ZNF221: variants seen among roughly 807,000 people sequenced by gnomAD.
The protein encoded by ZNF221 is zinc finger protein 221.
A neutral mutation model predicts 12.6 loss-of-function variants in ZNF221; 10 were observed. That is an observed-to-expected ratio of 0.79 (90% CI 0.49 to 1.34). The LOEUF (loss-of-function observed/expected upper bound fraction) is 1.34. Among genes scored for constraint, ZNF221 ranks in the 40% most tolerant of loss-of-function variants. The pLI is 0.00. For missense variants in ZNF221, 661 were observed against 721.4 expected (o/e 0.92, Z 0.96); for synonymous variants, 232 against 244.0 (o/e 0.95, Z 0.46).
At chr19:43,972,781 G>C in the ZNF221 span, among the ~76,000 whole-genome samples, 1 of 21,688 alleles carries the variant, frequency 4.6e-5, no homozygotes, top group African/African-American at 1.1e-4. Flanking sequence ...AAAAAAAAAA[G>C]CCCAGGACCA....
At chr19:43,980,469 A>T in the ZNF221 span, among the ~76,000 whole-genome samples, 3 of 152,250 alleles carry the variant, frequency 2.0e-5, no homozygotes, top group Non-Finnish European at 4.4e-5. Flanking sequence ...ACTCAAAAGG[A>T]GAAATATTCA....
chr19:43,964,910 T>C (rs2147342905), intron 2 of ZNF221, 40 bp from the exon 3 acceptor site: 2 of 1,613,434 alleles, frequency 1.2e-6, no homozygotes, highest in South Asian at 1.1e-5. Context: ...TGAATAATCA[T>C]TGGTCATAAG....
At chr19:43,972,971 A>G in the ZNF221 span, among the ~76,000 whole-genome samples, 2 of 152,210 alleles carry the variant, frequency 1.3e-5, no homozygotes, top group Non-Finnish European at 2.9e-5. Flanking sequence ...TCAGGCCAGT[A>G]TCCCTGATGA....
intron 2 of ZNF221, 133 bp from the exon 3 acceptor site, chr19:43,964,817 A>G (rs921875064): frequency 2.5e-6 from 3 of 1,205,868 alleles, no homozygotes; most frequent in East Asian, 4.7e-5. Context: ...TGAGTGGGAA[A>G]TCTGTATGTT....
At chr19:43,978,802 G>T in the ZNF221 span, 2 of 152,000 alleles carry the variant, frequency 1.3e-5, no homozygotes, top group Admixed American at 6.6e-5. Flanking sequence ...TTATAATTGG[G>T]AATTATTGCA....
At chr19:43,977,590 C>A in the ZNF221 span, 1 of 152,114 alleles carries the variant, frequency 6.6e-6, no homozygotes, top group Non-Finnish European at 1.5e-5. Flanking sequence ...AAAACAGATT[C>A]TTTGAAGAAC....
the ZNF221 span, among the ~76,000 whole-genome samples, chr19:43,973,714 A>C: frequency 6.6e-6 from 1 of 152,238 alleles, no homozygotes; most frequent in Admixed American, 6.5e-5. Context: ...GGACCCCTTC[A>C]AGGAGAACTA....
intron 4 of ZNF221, 38 bp downstream of exon 4, chr19:43,965,363 C>G: frequency 6.5e-7 from 1 of 1,546,424 alleles, no homozygotes. Context: ...GTACATGACT[C>G]TTCCATCTGT....
Position 43,967,423 on chromosome 19 carries a change from A to G in ZNF221, c.*67A>G. On this transcript the variant is annotated 3_prime_UTR_variant, in exon 5 of 5. Coordinates refer to ENST00000587682, the MANE Select transcript of ZNF221 (RefSeq NM_001297588.2). ...ATCTGACCCATCAATTCTCCACAGC[A>G]GAGAAAAACCATTCAAATATGAGAA... 1 of 1,197,938 alleles carries G rather than the reference A, an allele frequency of 8.3e-7. No individual in the cohort carries two copies. Among genetic ancestry groups the G allele is most frequent in the South Asian group, 1.4e-5 (1 of 70,098 alleles). The allele number at this position is 1,197,938 out of a possible 1,614,324, so 74.2% of individuals were successfully genotyped here.
chr19:43,972,766 A>AAAAAAAAAG, the ZNF221 span, among the ~76,000 whole-genome samples: 1 of 146,792 alleles, frequency 6.8e-6, no homozygotes, highest in Non-Finnish European at 1.5e-5. Flanking sequence ...AGTCTACCAA[A>AAAAAAAAAG]AAAAAAAAAA....
intron 1 of ZNF221, among the ~76,000 whole-genome samples, chr19:43,954,736 T>C (rs1030005650): frequency 5.9e-5 from 9 of 151,876 alleles, no homozygotes; most frequent in Non-Finnish European, 7.4e-5. Context: ...CCTGATCCTG[T>C]GACCACTACA....
intron 1 of ZNF221, among the ~76,000 whole-genome samples, chr19:43,952,866 G>A (rs1974696819): frequency 6.6e-6 from 1 of 152,098 alleles, no homozygotes; most frequent in South Asian, 2.1e-4. Context: ...TCATTATGGA[G>A]CATTCAGAAA....
chr19:43,976,064 A>G, the ZNF221 span, among the ~76,000 whole-genome samples: 66 of 152,136 alleles, frequency 4.3e-4, no homozygotes, highest in African/African-American at 1.3e-3. Context: ...TTTCTTTTAA[A>G]AAATTATTTT....
In ZNF221 at chr19:43,967,126, G is replaced by C. The variant is rs762249259; in HGVS notation, c.1624G>C (p.Gly542Arg). Residue 542 changes from glycine to arginine, a missense_variant, in exon 5 of 5, where the codon GGG (glycine) becomes CGG (arginine). Transcript: ENST00000587682. ...KLYKCEQCEK[G>R]YNSKFNLDMH... ...ATACAAATGTGAGCAGTGTGAGAAG[G>C]GGTACAACAGTAAATTTAATCTTGA... 1.9e-6 allele frequency: 3 copies of C among 1,594,892 alleles called. No homozygotes were observed. The highest frequency in any genetic ancestry group is 2.6e-6 in the Non-Finnish European group (3 of 1,168,020).
Position 43,965,027 on chromosome 19 carries a change from G to T in ZNF221, c.159G>T (p.Lys53Asn). The T allele has an allele frequency of 6.2e-7, 1 of 1,614,168 alleles. No homozygotes were observed. The highest frequency in any genetic ancestry group is 8.5e-7 in the Non-Finnish European group (1 of 1,180,016). Residue 53 changes from lysine to asparagine, a missense_variant, in exon 3 of 5, where the codon AAG becomes AAT. By Grantham distance (94) the Lys-to-Asn change is moderately conservative (BLOSUM62 0). Transcript: ENST00000587682. ...GGCTGCTGGACCCTGCCCAGAGGAA[G>T]CTGTACCGAGATGTGATGCTAGAGA... ...ELGLLDPAQR[K>N]LYRDVMLENF... is the part of the protein sequence containing the mutation.
intron 3 of ZNF221, 74 bp downstream of exon 3, chr19:43,965,150 T>C (rs977129244): frequency 2.5e-6 from 4 of 1,599,530 alleles, no homozygotes; most frequent in African/African-American, 2.7e-5. Context: ...TGAGTATGCA[T>C]TGGGAACCTA....
In ZNF221 at chr19:43,965,951, G is replaced by T. The variant is rs759078647; in HGVS notation, c.449G>T (p.Gly150Val). Reference sequence around the variant, plus strand: ...AACAGCTCTCAGTTCTTCAAAGAAGGTGATGTCCCCTGCCAGATTGAGGCA... The same window carrying T: ...AACAGCTCTCAGTTCTTCAAAGAAGTTGATGTCCCCTGCCAGATTGAGGCA... ...IRNSSQFFKE[G>V]DVPCQIEARL... Residue 150 changes from glycine to valine, a missense_variant, in exon 5 of 5, where the codon GGT (glycine) becomes GTT (valine). By Grantham distance (109) the Gly-to-Val change is moderately radical. Transcript: ENST00000587682. 6.2e-7 allele frequency: 1 copy of T among 1,614,196 alleles called. No homozygotes were observed.
At chr19:43,965,764 G>A (rs374290246) in intron 4 of ZNF221, 40 bp from the exon 5 acceptor site, 11 of 1,503,256 alleles carry the variant, frequency 7.3e-6, no homozygotes, top group African/African-American at 1.4e-5. Context: ...ATTGAATAGG[G>A]CTTCACTTGC....
the ZNF221 span, chr19:43,976,782 G>A: frequency 6.6e-6 from 1 of 152,174 alleles, no homozygotes; most frequent in African/African-American, 2.4e-5. Flanking sequence ...ATTGGAGCAA[G>A]AGTAACCTTT....
Sources: allele counts gnomAD v4.1 joint callset (sites outside exome capture counted in the v4.1 genomes callset), GRCh38; gene constraint gnomAD v4.1.1; transcripts MANE v1.5; gene names NCBI Gene and HGNC (gene_info 2026-07-23, HGNC 2026-07-21).